Variants in SYNE1 observed in about 807,000 individuals in gnomAD.
The protein encoded by SYNE1 is spectrin repeat containing nuclear envelope protein 1, also known as nesprin-1.
In SYNE1, 616 loss-of-function variants were observed where a neutral mutation model predicts 1,111.0. The observed-to-expected ratio is 0.55, with a 90% CI of 0.52 to 0.59. The LOEUF (loss-of-function observed/expected upper bound fraction) is 0.59. Ranked by LOEUF, SYNE1 falls within the 20% of genes least tolerant of loss-of-function variation. The probability of loss-of-function intolerance (pLI) is 0.00; values close to 1 mark genes in which losing one functional copy is unlikely to be tolerated. For missense variants in SYNE1, 10,006 were observed against 10,417.0 expected (o/e 0.96, Z 1.72); for synonymous variants, 3,855 against 3,825.8 (o/e 1.01, Z -0.28).
At chr6:152,566,527 C>T (rs1192719269) in intron 3 of SYNE1, among the ~76,000 whole-genome samples, 1 of 152,048 alleles carries the variant, frequency 6.6e-6, no homozygotes, top group African/African-American at 2.4e-5. Flanking sequence ...TGAGTCCAAT[C>T]CACCACCTTT....
chr6:152,632,598 T>G (rs60584624), intron 2 of SYNE1, among the ~76,000 whole-genome samples: 1 of 152,268 alleles, frequency 6.6e-6, no homozygotes, highest in African/African-American at 2.4e-5. Context: ...AACTACCTAT[T>G]GGAGGAGAGT....
chr6:152,579,974 T>C (rs946389696), intron 3 of SYNE1, among the ~76,000 whole-genome samples: 2 of 152,200 alleles, frequency 1.3e-5, no homozygotes, highest in South Asian at 2.1e-4. Context: ...GCAATGAACA[T>C]CTGCATGAAT....
intron 96 of SYNE1, 150 bp downstream of exon 96, chr6:152,283,828 C>T (rs2094168787): frequency 1.3e-6 from 1 of 740,856 alleles, no homozygotes; most frequent in African/African-American, 1.7e-5. Context: ...AACCACCCCT[C>T]CCGGCCGTGG....
At chr6:152,216,871 T>C (rs947460086) in intron 121 of SYNE1, among the ~76,000 whole-genome samples, 3 of 151,716 alleles carry the variant, frequency 2.0e-5, no homozygotes, top group Admixed American at 6.6e-5. Context: ...CTGGCCAACA[T>C]AGTGAACCAC....
chr6:152,148,272 G>T lies in SYNE1; in HGVS notation c.24749C>A (p.Ser8250Tyr). Residue 8250 changes from serine (S) to tyrosine (Y), a missense_variant, in exon 137 of 146, where the codon TCT becomes TAT. This residue lies in a region of SYNE1 where 761 missense variants were observed against 795.5 expected (regional missense o/e 0.96). Coordinates refer to ENST00000367255, the MANE Select transcript of SYNE1 (RefSeq NM_182961.4). This position sits in a 1 kb window ranked among gnomAD's most constrained non-coding sequence, Gnocchi z 4.1. ...GGAGAGATTGGAGGAAGGCTGTGGA[G>T]AAAGCAGGCTGTCTGCAGAGCGGTC... ...WHDRSADSLL[S>Y]PQPSSNLSLS... The T allele has an allele frequency of 2.5e-6, 4 of 1,613,656 alleles. No homozygotes were observed. The highest frequency in any genetic ancestry group is 3.4e-6 in the Non-Finnish European group (4 of 1,179,672).
In SYNE1 at chr6:152,148,237, CGAGCGAGAGGGA is replaced by C. The variant is rs2152880126; in HGVS notation, c.24772_24783del (p.Ser8258_Leu8261del). On this transcript the variant is annotated inframe_deletion, in exon 137 of 146. Transcript: ENST00000367255. This position sits in a 1 kb window ranked among gnomAD's most constrained non-coding sequence, Gnocchi z 4.1. ...GACCGCTCGCTCCGGAGGGGCTGAGCGAGCGAGAGGGAGAGATTGGAGGAAGGCTGTGGAGAA... is the reference window on the plus strand; with the variant it reads ...GACCGCTCGCTCCGGAGGGGCTGAGCGAGATTGGAGGAAGGCTGTGGAGAA... 2 of 1,613,752 alleles carry C rather than the reference CGAGCGAGAGGGA, an allele frequency of 1.2e-6. No homozygotes were observed. Among genetic ancestry groups the C allele is most frequent in the East Asian group, 4.5e-5 (2 of 44,858 alleles).
rs367601769 is a variant in SYNE1 at position 152,246,492 on chromosome 6, C to T, written c.19573-1836G>A. Among the ~76,000 whole-genome samples the T allele has an allele frequency of 1.4e-4, 21 of 152,050 alleles. No individual in the cohort carries two copies. In the South Asian group the frequency reaches 3.3e-3, roughly 24 times the overall value. On this transcript the variant is annotated intron_variant, in intron 105 of 145. Transcript: ENST00000367255. Reference sequence around the variant, plus strand: ...TGAGAGCAGAAATGCCAATTCAGTACAAGAGTCTGGAGTTGAAATTGAGGA... The same window carrying T: ...TGAGAGCAGAAATGCCAATTCAGTATAAGAGTCTGGAGTTGAAATTGAGGA...
intron 24 of SYNE1, 32 bp downstream of exon 24, chr6:152,455,394 C>T (rs1461885463): frequency 4.4e-6 from 7 of 1,600,562 alleles, no homozygotes; most frequent in Non-Finnish European, 6.0e-6. Flanking sequence ...TCCATGTATT[C>T]AGGTCAAGTG....
intron 36 of SYNE1, 71 bp from the exon 37 acceptor site, chr6:152,428,463 G>A (rs918280065): frequency 2.7e-6 from 4 of 1,461,636 alleles, no homozygotes; most frequent in Non-Finnish European, 3.8e-6. Context: ...CTTTGACACC[G>A]ATCATCGCAA....
At chr6:152,146,815 G>A (rs2059589665) in intron 137 of SYNE1, 3 of 152,246 alleles carry the variant, frequency 2.0e-5, no homozygotes, top group African/African-American at 7.2e-5. Flanking sequence ...TGTGGCTTGG[G>A]TGGTGGTCCT....
Position 152,404,230 on chromosome 6 carries a change from T to G in SYNE1, c.6808A>C (p.Thr2270Pro). 6.2e-7 allele frequency: 1 copy of G among 1,612,928 alleles called. No individual in the cohort carries two copies. The highest frequency in any genetic ancestry group is 8.5e-7 in the Non-Finnish European group (1 of 1,179,572). The change falls in exon 46 of 146, where the codon ACA becomes CCA. Residue 2270 changes from threonine to proline, a missense_variant. By Grantham distance (38) the Thr-to-Pro change is conservative. Around this residue, in one of 7 missense-constraint regions of SYNE1, gnomAD observed 4,955 missense variants for 5,017.2 expected, o/e 0.99. Transcript: ENST00000367255. ...DLKELTKNLE[T>P]PPDLQFIEAD... ...ATGCTTACCTGAAGGTCTGGCGGTG[T>G]TTCTAGATTTTTAGTTAATTCTTTC...
intron 92 of SYNE1, among the ~76,000 whole-genome samples, chr6:152,301,330 T>C (rs968060942): frequency 6.6e-6 from 1 of 152,138 alleles, no homozygotes; most frequent in Admixed American, 6.5e-5. Flanking sequence ...TATAGGAAAA[T>C]AGTGGTGCAG....
chr6:152,404,390 G>A (rs981845551), intron 45 of SYNE1, 76 bp from the exon 46 acceptor site: 12 of 1,188,576 alleles, frequency 1.0e-5, no homozygotes, highest in African/African-American at 4.5e-5. Context: ...TTCAAGAAGA[G>A]CTAACTTTGT....
At chr6:152,468,993 G>A (rs960784478) in intron 16 of SYNE1, among the ~76,000 whole-genome samples, 1 of 152,004 alleles carries the variant, frequency 6.6e-6, no homozygotes, top group Admixed American at 6.6e-5. Flanking sequence ...TCCTGGGCTG[G>A]TCTCAAACTC....
intron 137 of SYNE1, chr6:152,145,377 C>T: frequency 9.8e-7 from 1 of 1,020,914 alleles, no homozygotes. Flanking sequence ...GAAGGCTGTG[C>T]CTTAACATGC....
Position 152,221,728 on chromosome 6 carries a change from C to G in SYNE1, c.21523-169G>C, listed in dbSNP as rs142070625. On this transcript the variant is annotated intron_variant, in intron 117 of 145. Transcript: ENST00000367255. ...CTTTCTTTAGATAATCATTTATTCT[C>G]TTTTGTAGGATTTTGTTATTTTGGC... 5.6e-4 allele frequency among the ~76,000 whole-genome samples: 86 copies of G among 152,302 alleles called. 3 individuals carry two copies. The East Asian group carries it at 0.015, about 27-fold the overall frequency.
intron 72 of SYNE1, 122 bp from the exon 73 acceptor site, chr6:152,347,357 C>T: frequency 1.7e-6 from 2 of 1,173,360 alleles, no homozygotes; most frequent in East Asian, 2.5e-5. Context: ...TGCAATTTAC[C>T]TTAGTTATAT....
intron 90 of SYNE1, 138 bp from the exon 91 acceptor site, chr6:152,308,770 T>C (rs2095458291): frequency 1.1e-6 from 1 of 932,150 alleles, no homozygotes; most frequent in African/African-American, 1.7e-5. Context: ...TCCTAGATGG[T>C]TTGAATTCCT....
intron 116 of SYNE1, 75 bp downstream of exon 116, chr6:152,225,646 G>A: frequency 6.3e-7 from 1 of 1,587,644 alleles, no homozygotes; most frequent in Non-Finnish European, 8.6e-7. Flanking sequence ...TGCTACTTTA[G>A]GAAAACCAAA....
Sources: gnomAD v4.1 joint callset for allele counts (sites outside exome capture counted in the v4.1 genomes callset) on GRCh38, gnomAD v4.1.1 for gene constraint, gnomAD v4.1.1 regional missense constraint, Gnocchi (gnomAD v3.1) non-coding constraint, MANE v1.5 for transcripts, NCBI Gene and HGNC (gene_info 2026-07-23, HGNC 2026-07-21) for gene names.